ITGA9: variants seen among roughly 807,000 people sequenced by gnomAD.
ITGA9 encodes the protein integrin subunit alpha 9, also known as integrin alpha-9.
A neutral mutation model predicts 127.8 loss-of-function variants in ITGA9; 56 were observed. The observed-to-expected ratio is 0.44, with a 90% CI of 0.35 to 0.55. The LOEUF (loss-of-function observed/expected upper bound fraction) is 0.55. Ranked by LOEUF, ITGA9 falls within the 20% of genes least tolerant of loss-of-function variation. The pLI is 0.00. For synonymous variants in ITGA9, 508 were observed against 514.5 expected, an observed-to-expected ratio of 0.99 and a Z score of 0.17; for missense variants, 1,196 against 1,347.1, an observed-to-expected ratio of 0.89 and a Z score of 1.76.
chr3:37,572,572 T>G (rs144361351), intron 15 of ITGA9, among the ~76,000 whole-genome samples: 53 of 152,348 alleles, frequency 3.5e-4, no homozygotes, highest in African/African-American at 1.2e-3. Context: ...ATATAGCTCA[T>G]GCAGTTAGAA....
chr3:37,809,561 A>C (rs554789819), intron 27 of ITGA9, among the ~76,000 whole-genome samples: 1 of 152,242 alleles, frequency 6.6e-6, no homozygotes, highest in South Asian at 2.1e-4. Flanking sequence ...CAGAGTGTGC[A>C]GTCTGTTGAG....
At chr3:37,705,779 G>A (rs1700997749) in intron 18 of ITGA9, among the ~76,000 whole-genome samples, 1 of 152,212 alleles carries the variant, frequency 6.6e-6, no homozygotes, top group African/African-American at 2.4e-5. Context: ...ATAGGGCAGT[G>A]AGAGGAAAGA....
chr3:37,724,396 C>A, intron 18 of ITGA9, among the ~76,000 whole-genome samples: 1 of 152,196 alleles, frequency 6.6e-6, no homozygotes, highest in East Asian at 1.9e-4. Flanking sequence ...GCTCTTGGAA[C>A]AATTTATTTA....
intron 18 of ITGA9, among the ~76,000 whole-genome samples, chr3:37,731,053 C>G (rs1352708630): frequency 6.6e-6 from 1 of 152,144 alleles, no homozygotes; most frequent in East Asian, 1.9e-4. Context: ...GGAAGGAAAG[C>G]TCATAGCAGC....
At chr3:37,663,169 A>G (rs1700554387) in intron 17 of ITGA9, among the ~76,000 whole-genome samples, 1 of 152,264 alleles carries the variant, frequency 6.6e-6, no homozygotes, top group Non-Finnish European at 1.5e-5. Context: ...TCTATTAAGC[A>G]GGACTGAAAA....
intron 16 of ITGA9, among the ~76,000 whole-genome samples, chr3:37,650,593 G>T (rs369677766): frequency 2.0e-5 from 3 of 151,830 alleles, no homozygotes; most frequent in East Asian, 1.9e-4. Flanking sequence ...CACCACACCC[G>T]GCTAATTTTT....
At chr3:37,602,417 T>A (rs1699930535) in intron 15 of ITGA9, among the ~76,000 whole-genome samples, 1 of 152,150 alleles carries the variant, frequency 6.6e-6, no homozygotes, top group South Asian at 2.1e-4. Context: ...CACTGTATTG[T>A]AATAATAGAG....
chr3:37,816,960 C>T (rs1379328731), intron 27 of ITGA9, among the ~76,000 whole-genome samples: 1 of 152,226 alleles, frequency 6.6e-6, no homozygotes, highest in Non-Finnish European at 1.5e-5. Flanking sequence ...GGTGAAGATA[C>T]CTGCTGGCTC....
chr3:37,608,687 T>G (rs1699991009), intron 15 of ITGA9, among the ~76,000 whole-genome samples: 1 of 152,218 alleles, frequency 6.6e-6, no homozygotes, highest in South Asian at 2.1e-4. Context: ...ACTAGATGTT[T>G]CAGTGACATA....
chr3:37,582,547 A>G (rs1174373261), intron 15 of ITGA9, among the ~76,000 whole-genome samples: 3 of 152,192 alleles, frequency 2.0e-5, no homozygotes, highest in East Asian at 3.9e-4. Context: ...TCAGTAGAGT[A>G]AGTAGTGACT....
At chr3:37,643,681 G>A (rs1320103462) in intron 16 of ITGA9, among the ~76,000 whole-genome samples, 1 of 152,144 alleles carries the variant, frequency 6.6e-6, no homozygotes, top group Non-Finnish European at 1.5e-5. Context: ...ACACCCGGTG[G>A]ACAGTGTCTG....
chr3:37,815,160 A>G (rs147740468), intron 27 of ITGA9, among the ~76,000 whole-genome samples: 47 of 152,348 alleles, frequency 3.1e-4, no homozygotes, highest in African/African-American at 8.9e-4. Flanking sequence ...AGAATTGCAT[A>G]CATAAAAACT....
chr3:37,614,675 C>T (rs1433153880), intron 15 of ITGA9, among the ~76,000 whole-genome samples: 1 of 152,028 alleles, frequency 6.6e-6, no homozygotes, highest in Non-Finnish European at 1.5e-5. Context: ...TGAGGAGGTC[C>T]TTCACATCCC....
At chr3:37,595,437 G>A (rs1195817222) in intron 15 of ITGA9, among the ~76,000 whole-genome samples, 3 of 152,198 alleles carry the variant, frequency 2.0e-5, no homozygotes, top group Non-Finnish European at 4.4e-5. Context: ...AACCAAAATT[G>A]AAAGCAAACA....
chr3:37,718,784 T>C (rs1043347990), intron 18 of ITGA9, among the ~76,000 whole-genome samples: 5 of 152,202 alleles, frequency 3.3e-5, no homozygotes, highest in Non-Finnish European at 5.9e-5. Flanking sequence ...CCACATGCAT[T>C]AATTCTGCGG....
intron 16 of ITGA9, among the ~76,000 whole-genome samples, chr3:37,633,804 C>G (rs144318661): frequency 2.4e-3 from 366 of 152,264 alleles, no homozygotes; most frequent in African/African-American, 8.3e-3. Context: ...CTGGGACCTG[C>G]AGCTCACTCC....
chr3:37,531,392 C>T (rs938452800), intron 13 of ITGA9, among the ~76,000 whole-genome samples: 13 of 152,198 alleles, frequency 8.5e-5, no homozygotes, highest in Non-Finnish European at 1.8e-4. Flanking sequence ...GGAACTGATC[C>T]GACAGCTGTG....
intron 15 of ITGA9, among the ~76,000 whole-genome samples, chr3:37,589,912 G>A (rs142839087): frequency 1.6e-3 from 245 of 152,134 alleles, no homozygotes; most frequent in Non-Finnish European, 1.3e-3. Flanking sequence ...CTCCTCCCAC[G>A]CCTTGGGCCC....
At chr3:37,685,086 G>T (rs1192778993) in intron 18 of ITGA9, among the ~76,000 whole-genome samples, 3 of 152,212 alleles carry the variant, frequency 2.0e-5, no homozygotes, top group Non-Finnish European at 2.9e-5. Flanking sequence ...GAACGGGGTT[G>T]CCTTGTTCTT....
Sources: gnomAD v4.1 joint callset for allele counts (sites outside exome capture counted in the v4.1 genomes callset) on GRCh38, gnomAD v4.1.1 for gene constraint, MANE v1.5 for transcripts, NCBI Gene and HGNC (gene_info 2026-07-23, HGNC 2026-07-21) for gene names.